Variants in LRRTM3 observed in about 807,000 individuals in gnomAD.
LRRTM3 encodes the protein leucine-rich repeat transmembrane neuronal protein 3.
Under a neutral mutation model 44.7 loss-of-function variants are expected in LRRTM3, and 24 were observed. The observed-to-expected ratio is 0.54, with a 90% confidence interval of 0.39 to 0.76. The LOEUF (loss-of-function observed/expected upper bound fraction) is 0.76. Ranked by LOEUF, LRRTM3 falls within the 30% of genes least tolerant of loss-of-function variation. The pLI, the probability that LRRTM3 is intolerant of heterozygous loss-of-function variation, is 0.00. For missense variants in LRRTM3, 587 were observed against 702.2 expected (o/e 0.84, Z 1.85); for synonymous variants, 277 against 278.7 (o/e 0.99, Z 0.06).
chr10:67,035,618 T>C (rs568839854), intron 2 of LRRTM3, among the ~76,000 whole-genome samples: 99 of 152,234 alleles, frequency 6.5e-4, no homozygotes, highest in African/African-American at 2.3e-3. Context: ...AGCAGAAATA[T>C]AAGGAAAATT....
chr10:67,064,324 C>T (rs1023290662), intron 2 of LRRTM3, among the ~76,000 whole-genome samples: 1 of 152,022 alleles, frequency 6.6e-6, no homozygotes, highest in Non-Finnish European at 1.5e-5. Flanking sequence ...ATTTCATTTT[C>T]TACAATGATC....
At chr10:66,994,138 A>G (rs764051249) in intron 2 of LRRTM3, among the ~76,000 whole-genome samples, 3 of 152,218 alleles carry the variant, frequency 2.0e-5, no homozygotes, top group Non-Finnish European at 4.4e-5. Context: ...GTGAGTTGCC[A>G]TCACTATATT....
At chr10:67,019,375 C>G (rs1455951842) in intron 2 of LRRTM3, among the ~76,000 whole-genome samples, 2 of 152,066 alleles carry the variant, frequency 1.3e-5, no homozygotes, top group East Asian at 3.9e-4. Context: ...TGTGCCACCA[C>G]GCCAGGCTAA....
At position 66,975,037 on chromosome 10, in the gene LRRTM3, G is replaced by A. The variant is rs1054321256; in HGVS notation, c.1536+46585G>A. On this transcript the variant is annotated intron_variant, in intron 2 of 2. Coordinates refer to ENST00000361320, the MANE Select transcript of LRRTM3 (RefSeq NM_178011.5). Reference sequence around the variant, plus strand: ...GTAGCTCTTGATGAAGAGGAGATGAGTAATCTGGTATTTTAGACTCCATTA... The same window carrying A: ...GTAGCTCTTGATGAAGAGGAGATGAATAATCTGGTATTTTAGACTCCATTA... Among the ~76,000 whole-genome samples, 4 of 152,258 alleles carry A rather than the reference G, an allele frequency of 2.6e-5. No homozygotes were observed. In the East Asian group the frequency reaches 7.7e-4, roughly 29 times the overall value.
Position 67,074,063 on chromosome 10 carries a change from G to T in LRRTM3, c.1537-23524G>T, listed in dbSNP as rs1364807319. 7.9e-5 allele frequency among the ~76,000 whole-genome samples: 10 copies of T among 126,478 alleles called. No homozygotes were observed. In the East Asian group the frequency reaches 2.4e-3, roughly 30 times the overall value. 83.0% of individuals were successfully genotyped at this position (126,478 alleles called of 152,430 possible). On this transcript the variant is annotated intron_variant, in intron 2 of 2. Coordinates refer to ENST00000361320, the MANE Select transcript of LRRTM3 (RefSeq NM_178011.5). ...TTTTTTTTTTTTTTTTTGAGACAGA[G>T]TCTGGCTCTGTCTCCAGGCTGGAGT...
chr10:67,096,912 C>T (rs997148431), intron 2 of LRRTM3, among the ~76,000 whole-genome samples: 1 of 151,836 alleles, frequency 6.6e-6, no homozygotes, highest in African/African-American at 2.4e-5. Flanking sequence ...AAACTACAGA[C>T]ATTAATATTT....
At chr10:66,994,514 A>C (rs1851221716) in intron 2 of LRRTM3, among the ~76,000 whole-genome samples, 2 of 152,216 alleles carry the variant, frequency 1.3e-5, no homozygotes, top group Admixed American at 1.3e-4. Context: ...CTTCTAAAGT[A>C]GGAAAAAAGC....
At chr10:67,044,848 T>TA (rs1854628643) in intron 2 of LRRTM3, among the ~76,000 whole-genome samples, 2 of 152,228 alleles carry the variant, frequency 1.3e-5, no homozygotes, top group Non-Finnish European at 2.9e-5. Flanking sequence ...ACCTCAGCTC[T>TA]GCCACTTTCT....
chr10:67,016,079 C>T (rs569568060), intron 2 of LRRTM3, among the ~76,000 whole-genome samples: 9 of 151,990 alleles, frequency 5.9e-5, no homozygotes, highest in African/African-American at 2.2e-4. Context: ...TTTTAGAATA[C>T]GTATTTGTTG....
At chr10:66,950,563 C>A (rs1020146571) in intron 2 of LRRTM3, among the ~76,000 whole-genome samples, 6 of 151,888 alleles carry the variant, frequency 4.0e-5, no homozygotes, top group African/African-American at 1.2e-4. Flanking sequence ...TAGTTCATAT[C>A]ATAAAACATT....
In LRRTM3 at chr10:66,989,309, T is replaced by C. The variant is rs182111682; in HGVS notation, c.1536+60857T>C. 1.9e-4 allele frequency among the ~76,000 whole-genome samples: 29 copies of C among 152,322 alleles called. No individual in the cohort carries two copies. In the East Asian group the frequency reaches 4.4e-3, roughly 23 times the overall value. On this transcript the variant is annotated intron_variant, in intron 2 of 2. Coordinates refer to ENST00000361320, the MANE Select transcript of LRRTM3 (RefSeq NM_178011.5). Reference sequence around the variant, plus strand: ...GCATAAAGTTCTCACATATTTAATATATGTCAACTTATTCCCTAAAAGTCC... The same window carrying C: ...GCATAAAGTTCTCACATATTTAATACATGTCAACTTATTCCCTAAAAGTCC...
chr10:67,055,548 A>G (rs1026531671), intron 2 of LRRTM3, among the ~76,000 whole-genome samples: 2 of 152,206 alleles, frequency 1.3e-5, no homozygotes, highest in African/African-American at 4.8e-5. Context: ...TGCAGGCTAG[A>G]AAGTTATGGA....
intron 2 of LRRTM3, among the ~76,000 whole-genome samples, chr10:67,078,317 C>T (rs914039238): frequency 1.3e-5 from 2 of 152,074 alleles, no homozygotes; most frequent in African/African-American, 2.4e-5. Context: ...GGCCAAGGTA[C>T]AGTGTCAAAA....
rs1385173435 is a variant in LRRTM3, at chr10:66,927,328, T to C, written c.412T>C (p.Leu138=). ...TFRPVTNLRN[L]DLSYNQLHSL... The stretch of plus-strand genomic sequence containing the variant: ...CAGACCTGTGACAAATTTACGGAAC[T>C]TGGATCTGTCCTATAATCAGCTGCA... The change falls in exon 2 of 3, where the codon TTG becomes CTG. Residue 138 remains leucine (L), a synonymous_variant. Coordinates refer to ENST00000361320, the MANE Select transcript of LRRTM3 (RefSeq NM_178011.5). The surrounding 1 kb of genome is among the most constrained non-coding windows in gnomAD (Gnocchi z 4.7). 1.9e-6 allele frequency: 3 copies of C among 1,614,050 alleles called. No individual in the cohort carries two copies. Among genetic ancestry groups the C allele is most frequent in the Admixed American group, 1.7e-5 (1 of 60,002 alleles).
intron 2 of LRRTM3, among the ~76,000 whole-genome samples, chr10:67,013,964 T>C (rs930780085): frequency 6.6e-6 from 1 of 151,994 alleles, no homozygotes; most frequent in Non-Finnish European, 1.5e-5. Flanking sequence ...TAAATCAGGG[T>C]TTCCCAGGAC....
intron 2 of LRRTM3, among the ~76,000 whole-genome samples, chr10:67,016,080 G>A (rs116986357): frequency 0.029 from 4,353 of 151,736 alleles, 92 homozygotes; most frequent in Non-Finnish European, 0.037. Flanking sequence ...TTTAGAATAC[G>A]TATTTGTTGT....
Position 66,927,998 on chromosome 10 carries a change from G to A in LRRTM3, c.1082G>A (p.Cys361Tyr). The A allele has an allele frequency of 1.2e-6, 2 of 1,614,220 alleles. No homozygotes were observed. Among genetic ancestry groups the A allele is most frequent in the Non-Finnish European group, 1.7e-6 (2 of 1,180,046 alleles). The part of the protein sequence containing the change: ...VIDAVKNYSI[C>Y]GKSTTERFDL... ...GATGCAGTGAAGAACTACAGCATCTGTGGCAAAAGTACTACAGAGAGGTTT... is the reference window on the plus strand; with the variant it reads ...GATGCAGTGAAGAACTACAGCATCTATGGCAAAAGTACTACAGAGAGGTTT... Residue 361 changes from cysteine to tyrosine, a missense_variant, in exon 2 of 3, where the codon TGT becomes TAT. Transcript: ENST00000361320. This position sits in a 1 kb window ranked among gnomAD's most constrained non-coding sequence, Gnocchi z 4.7.
chr10:67,021,720 A>C (rs1432098915), intron 2 of LRRTM3, among the ~76,000 whole-genome samples: 1 of 152,194 alleles, frequency 6.6e-6, no homozygotes, highest in Non-Finnish European at 1.5e-5. Flanking sequence ...ATACTAAAAA[A>C]TTTCCTCTTA....
intron 2 of LRRTM3, among the ~76,000 whole-genome samples, chr10:66,932,785 C>T (rs1847480628): frequency 6.6e-6 from 1 of 152,056 alleles, no homozygotes; most frequent in Non-Finnish European, 1.5e-5. Context: ...CTTTTAGCCT[C>T]CAAAAGTTGG....
Sources: gnomAD v4.1 joint callset for allele counts (sites outside exome capture counted in the v4.1 genomes callset) on GRCh38, gnomAD v4.1.1 for gene constraint, Gnocchi (gnomAD v3.1) non-coding constraint, MANE v1.5 for transcripts, NCBI Gene and HGNC (gene_info 2026-07-23, HGNC 2026-07-21) for gene names.